Variants in RABGAP1L observed in about 807,000 individuals in gnomAD.
RABGAP1L encodes the protein rab GTPase-activating protein 1-like.
Under a neutral mutation model 137.7 loss-of-function variants are expected in RABGAP1L, and 63 were observed. The observed-to-expected ratio is 0.46, with a 90% CI of 0.37 to 0.56. The LOEUF is 0.56. Among genes scored for constraint, RABGAP1L ranks in the 20% least tolerant of loss-of-function variants. The probability of loss-of-function intolerance (pLI) is 0.00; values close to 1 mark genes in which losing one functional copy is unlikely to be tolerated. For synonymous variants in RABGAP1L, 431 were observed against 433.7 expected, an observed-to-expected ratio of 0.99 and a Z score of 0.08; for missense variants, 1,095 against 1,244.0, an observed-to-expected ratio of 0.88 and a Z score of 1.80.
chr1:174,896,278 T>C (rs548301060), intron 19 of RABGAP1L, among the ~76,000 whole-genome samples: 1 of 152,348 alleles, frequency 6.6e-6, no homozygotes, highest in East Asian at 1.9e-4. Context: ...TCACCCACTT[T>C]TTGATGGGGT....
chr1:174,502,601 C>CATATGTGTGTATATATATGTACAT (rs1661402553), intron 13 of RABGAP1L, among the ~76,000 whole-genome samples: 1 of 81,542 alleles, frequency 1.2e-5, no homozygotes, highest in African/African-American at 5.4e-5. Context: ...TATATATGTA[C>CATATGTGTGTATATATATGTACAT]ATATATGTGT....
chr1:174,757,220 C>T, intron 18 of RABGAP1L: 1 of 215,666 alleles, frequency 4.6e-6, no homozygotes, highest in Non-Finnish European at 9.7e-6. Context: ...TTCCCCTGTA[C>T]CACAATTTAT....
intron 1 of RABGAP1L, among the ~76,000 whole-genome samples, chr1:174,171,062 G>A (rs1427248811): frequency 6.6e-6 from 1 of 152,192 alleles, no homozygotes; most frequent in Non-Finnish European, 1.5e-5. Flanking sequence ...ATGCAGAAAT[G>A]TAGGGATGTA....
intron 14 of RABGAP1L, among the ~76,000 whole-genome samples, chr1:174,648,646 C>T (rs965979541): frequency 3.3e-5 from 5 of 152,026 alleles, no homozygotes; most frequent in South Asian, 2.1e-4. Flanking sequence ...AGAATAAGTG[C>T]GATGTGGTGC....
intron 1 of RABGAP1L, among the ~76,000 whole-genome samples, chr1:174,183,900 C>G (rs1666588871): frequency 1.4e-5 from 2 of 142,686 alleles, no homozygotes; most frequent in Admixed American, 7.3e-5. Flanking sequence ...GAGTCTCACT[C>G]TGTTGCCCAG....
At chr1:174,378,534 C>T (rs1685787230) in intron 12 of RABGAP1L, among the ~76,000 whole-genome samples, 1 of 151,948 alleles carries the variant, frequency 6.6e-6, no homozygotes, top group Admixed American at 6.6e-5. Flanking sequence ...CTCTGATGGC[C>T]AGTGATGATG....
chr1:174,857,686 A>T (rs1044926786), intron 19 of RABGAP1L, among the ~76,000 whole-genome samples: 1 of 152,166 alleles, frequency 6.6e-6, no homozygotes, highest in Non-Finnish European at 1.5e-5. Flanking sequence ...ACACCAACAT[A>T]TAATTAATAA....
At chr1:174,914,179 T>C (rs1402428623) in intron 19 of RABGAP1L, among the ~76,000 whole-genome samples, 2 of 152,174 alleles carry the variant, frequency 1.3e-5, no homozygotes, top group Non-Finnish European at 2.9e-5. Context: ...TTTTCTCACA[T>C]ACAGTCTAGG....
At chr1:174,587,299 G>T (rs982838384) in intron 13 of RABGAP1L, among the ~76,000 whole-genome samples, 6 of 108,534 alleles carry the variant, frequency 5.5e-5, no homozygotes, top group South Asian at 3.6e-4. Context: ...GTTGTGGGGT[G>T]GGGGGAGGGG....
intron 1 of RABGAP1L, among the ~76,000 whole-genome samples, chr1:174,163,765 A>G (rs1298932437): frequency 6.6e-6 from 1 of 151,944 alleles, no homozygotes; most frequent in African/African-American, 2.4e-5. Flanking sequence ...GGAAAATAAG[A>G]CAGTTTTTTT....
intron 13 of RABGAP1L, among the ~76,000 whole-genome samples, chr1:174,406,140 C>G (rs1255081307): frequency 6.6e-6 from 1 of 151,672 alleles, no homozygotes; most frequent in African/African-American, 2.4e-5. Context: ...TTCTTGATCC[C>G]CATCCTTTGA....
intron 13 of RABGAP1L, among the ~76,000 whole-genome samples, chr1:174,526,467 C>G (rs1663883289): frequency 1.3e-5 from 2 of 151,984 alleles, no homozygotes; most frequent in South Asian, 4.2e-4. Context: ...CTCTCCAGTC[C>G]CGGCTTTTCT....
rs562617628 is a variant in RABGAP1L, at chr1:174,384,521, A to G, written c.1560-9474A>G. Among the ~76,000 whole-genome samples, 107 of 18,472 alleles carry G rather than the reference A, an allele frequency of 5.8e-3. 1 individual carries two copies. The highest frequency in any genetic ancestry group is 6.8e-3 in the African/African-American group (101 of 14,956). 12.1% of individuals were successfully genotyped at this position (18,472 alleles called of 152,430 possible). A position where few individuals can be genotyped will look rare whatever the true frequency, so the allele number is the denominator to read the frequency against. ...GTGTCACTAAACCAAAAAAAAGGAA[A>G]AAAAGGAAAAAAAAAAAGAAATTTA... On this transcript the variant is annotated intron_variant, in intron 12 of 25. Coordinates refer to ENST00000681986, the MANE Select transcript of RABGAP1L (RefSeq NM_001366446.1).
At chr1:174,217,387 G>A (rs187559323) in intron 1 of RABGAP1L, among the ~76,000 whole-genome samples, 1 of 152,278 alleles carries the variant, frequency 6.6e-6, no homozygotes. Flanking sequence ...CCTGCAGATG[G>A]TATTTTCGTC....
Position 174,656,092 on chromosome 1 carries a change from G to A in RABGAP1L, c.1824+18604G>A, listed in dbSNP as rs534127109. ...TATATACATATATGCATGTGTGTGT[G>A]CATACAAACATGTATTTATGCCCAT... is the stretch of plus-strand genomic sequence containing the variant. On this transcript the variant is annotated intron_variant, in intron 14 of 25. Transcript: ENST00000681986. Among the ~76,000 whole-genome samples the A allele has an allele frequency of 7.9e-5, 12 of 152,148 alleles. No individual in the cohort carries two copies. The East Asian group carries it at 2.3e-3, about 29-fold the overall frequency.
chr1:174,663,690 A>G (rs1447344936), intron 14 of RABGAP1L, among the ~76,000 whole-genome samples: 1 of 152,200 alleles, frequency 6.6e-6, no homozygotes, highest in Admixed American at 6.6e-5. Context: ...TAACCACAAA[A>G]TCAATATTCT....
Position 174,611,157 on chromosome 1 carries a change from T to C in RABGAP1L, c.1711-26218T>C, listed in dbSNP as rs1671211355. Among the ~76,000 whole-genome samples, 4 of 148,542 alleles carry C rather than the reference T, an allele frequency of 2.7e-5. No homozygotes were observed. In the South Asian group the frequency reaches 8.7e-4, roughly 32 times the overall value. On this transcript the variant is annotated intron_variant, in intron 13 of 25. Coordinates refer to ENST00000681986, the MANE Select transcript of RABGAP1L (RefSeq NM_001366446.1). ...TGCCTATGTCCTGAATGGTATTGCCTAGGTTTTCTTCTAGGGTTTTTATGG... is the reference window on the plus strand; with the variant it reads ...TGCCTATGTCCTGAATGGTATTGCCCAGGTTTTCTTCTAGGGTTTTTATGG...
At chr1:174,222,556 T>C (rs9787001) in intron 3 of RABGAP1L, among the ~76,000 whole-genome samples, 87,209 of 152,134 alleles carry the variant, frequency 0.57, 27,400 homozygotes, top group African/African-American at 0.85. Flanking sequence ...TACATGTATA[T>C]GCACATGTAA....
At chr1:174,270,439 G>A (rs575274883) in intron 7 of RABGAP1L, among the ~76,000 whole-genome samples, 16 of 152,164 alleles carry the variant, frequency 1.1e-4, no homozygotes, top group African/African-American at 2.2e-4. Context: ...ATTACAAAAG[G>A]TAGGAGGGTG....
Sources: gnomAD v4.1 joint callset for allele counts (sites outside exome capture counted in the v4.1 genomes callset) on GRCh38, gnomAD v4.1.1 for gene constraint, MANE v1.5 for transcripts, NCBI Gene and HGNC (gene_info 2026-07-23, HGNC 2026-07-21) for gene names.